Variants in L3MBTL4 observed in about 807,000 individuals in gnomAD.
The protein encoded by L3MBTL4 is L3MBTL histone methyl-lysine binding protein 4.
Under a neutral mutation model 84.5 loss-of-function variants are expected in L3MBTL4, and 70 were observed. That is an observed-to-expected ratio of 0.83 (90% CI 0.68 to 1.01). The LOEUF is 1.01. Among genes scored for constraint, L3MBTL4 ranks in the 50% least tolerant of loss-of-function variants. The pLI is 0.00. For missense variants in L3MBTL4, 715 were observed against 754.8 expected (o/e 0.95, Z 0.62); for synonymous variants, 274 against 259.8 (o/e 1.05, Z -0.52).
chr18:6,161,072 G>T (rs2043318111), intron 13 of L3MBTL4, among the ~76,000 whole-genome samples: 1 of 152,194 alleles, frequency 6.6e-6, no homozygotes, highest in Non-Finnish European at 1.5e-5. Flanking sequence ...TATTTTTAAA[G>T]GACATTCCAG....
intron 1 of L3MBTL4, among the ~76,000 whole-genome samples, chr18:6,342,632 T>G (rs1287126394): frequency 6.6e-6 from 1 of 151,344 alleles, no homozygotes; most frequent in Non-Finnish European, 1.5e-5. Flanking sequence ...AAAAAAATCA[T>G]CAATGAAAGG....
chr18:6,048,772 G>T (rs866444992), intron 16 of L3MBTL4, among the ~76,000 whole-genome samples: 5 of 143,664 alleles, frequency 3.5e-5, no homozygotes, highest in African/African-American at 5.4e-5. Flanking sequence ...CTGGGCAACC[G>T]AGTAAGACTC....
chr18:5,987,496 T>C (rs2053515094), intron 16 of L3MBTL4, among the ~76,000 whole-genome samples: 1 of 152,250 alleles, frequency 6.6e-6, no homozygotes, highest in African/African-American at 2.4e-5. Context: ...TTCTTGCTAC[T>C]TGTATCTGTC....
chr18:6,051,109 T>C (rs529284841), intron 16 of L3MBTL4, among the ~76,000 whole-genome samples: 2 of 152,314 alleles, frequency 1.3e-5, no homozygotes, highest in South Asian at 4.2e-4. Flanking sequence ...CTTTAGTGTA[T>C]GCTAGTCAAC....
intron 13 of L3MBTL4, among the ~76,000 whole-genome samples, chr18:6,171,237 C>A (rs762616540): frequency 2.8e-4 from 42 of 152,108 alleles, no homozygotes; most frequent in Non-Finnish European, 7.3e-5. Flanking sequence ...GGTTATTAGT[C>A]ATGTCAGCCT....
intron 1 of L3MBTL4, among the ~76,000 whole-genome samples, chr18:6,320,790 C>A (rs1469698816): frequency 6.6e-6 from 1 of 151,848 alleles, no homozygotes; most frequent in African/African-American, 2.4e-5. Context: ...ACCAAAGCAA[C>A]CCTAAGCAAA....
At chr18:6,302,380 C>T (rs937607829) in intron 3 of L3MBTL4, among the ~76,000 whole-genome samples, 16 of 152,168 alleles carry the variant, frequency 1.1e-4, no homozygotes, top group African/African-American at 3.6e-4. Flanking sequence ...AGTTAAAATG[C>T]TTTAATTTTA....
chr18:6,207,791 G>A (rs1001598231), intron 12 of L3MBTL4, among the ~76,000 whole-genome samples: 1 of 151,838 alleles, frequency 6.6e-6, no homozygotes, highest in Non-Finnish European at 1.5e-5. Context: ...CTCTATCCTC[G>A]TATTTCAAAG....
intron 12 of L3MBTL4, among the ~76,000 whole-genome samples, chr18:6,204,004 C>A (rs369350041): frequency 1.3e-5 from 2 of 152,172 alleles, no homozygotes; most frequent in East Asian, 1.9e-4. Context: ...CAGCCTGCCT[C>A]ATGTCACCAC....
At chr18:6,084,308 G>A (rs2058183568) in intron 15 of L3MBTL4, among the ~76,000 whole-genome samples, 2 of 152,038 alleles carry the variant, frequency 1.3e-5, no homozygotes, top group African/African-American at 2.4e-5. Flanking sequence ...CTTTCACTAC[G>A]ATGGCTGAAC....
At chr18:6,059,357 T>C (rs768062183) in intron 16 of L3MBTL4, among the ~76,000 whole-genome samples, 35 of 152,352 alleles carry the variant, frequency 2.3e-4, no homozygotes, top group Non-Finnish European at 4.6e-4. Context: ...AGGTTTATTT[T>C]TACTCAGACT....
chr18:5,978,866 C>G (rs1473160532), intron 16 of L3MBTL4, among the ~76,000 whole-genome samples: 1 of 152,200 alleles, frequency 6.6e-6, no homozygotes, highest in Non-Finnish European at 1.5e-5. Flanking sequence ...AGTCCAAAAG[C>G]CTGAGCAGGT....
intron 12 of L3MBTL4, among the ~76,000 whole-genome samples, chr18:6,183,318 A>C (rs1227796673): frequency 6.6e-6 from 1 of 152,212 alleles, no homozygotes; most frequent in Non-Finnish European, 1.5e-5. Context: ...GCTATGACTA[A>C]CATAAATATT....
intron 16 of L3MBTL4, among the ~76,000 whole-genome samples, chr18:5,981,980 G>GTT (rs2053244711): frequency 7.5e-6 from 1 of 132,644 alleles, no homozygotes; most frequent in Non-Finnish European, 1.5e-5. Context: ...TATTCTGTGT[G>GTT]TGTGTGTGTG....
At chr18:6,395,659 AC>A (rs2055242099) in intron 1 of L3MBTL4, 1 of 152,208 alleles carries the variant, frequency 6.6e-6, no homozygotes. Flanking sequence ...AGTTGAGGTA[AC>A]TTTCACTTTG....
At chr18:6,344,141 C>A (rs190969003) in intron 1 of L3MBTL4, among the ~76,000 whole-genome samples, 1 of 151,952 alleles carries the variant, frequency 6.6e-6, no homozygotes, top group East Asian at 1.9e-4. Context: ...ACTTGACAAA[C>A]CTTTAGCCAT....
chr18:6,170,504 G>C (rs574182240), intron 13 of L3MBTL4, among the ~76,000 whole-genome samples: 1 of 152,280 alleles, frequency 6.6e-6, no homozygotes, highest in African/African-American at 2.4e-5. Flanking sequence ...ACGGTAGAAA[G>C]AGCAAGTTTT....
At chr18:6,128,766 A>G (rs1194435776) in intron 14 of L3MBTL4, among the ~76,000 whole-genome samples, 1 of 152,154 alleles carries the variant, frequency 6.6e-6, no homozygotes, top group Non-Finnish European at 1.5e-5. Flanking sequence ...AGCCAGGAAT[A>G]GAAGCTCCAA....
At chr18:6,272,904 G>C (rs1241581570) in intron 4 of L3MBTL4, among the ~76,000 whole-genome samples, 1 of 114,022 alleles carries the variant, frequency 8.8e-6, no homozygotes, top group Non-Finnish European at 1.7e-5. Flanking sequence ...TGAATATAAG[G>C]AATACAGAAG....
Sources: allele counts gnomAD v4.1 joint callset (sites outside exome capture counted in the v4.1 genomes callset), GRCh38; gene constraint gnomAD v4.1.1; transcripts MANE v1.5; gene names NCBI Gene and HGNC (gene_info 2026-07-23, HGNC 2026-07-21).